The following CD163 variants were observed in gnomAD, a reference collection of about 807,000 sequenced individuals.
CD163 encodes scavenger receptor cysteine-rich type 1 protein M130.
Under a neutral mutation model 129.2 loss-of-function variants are expected in CD163, and 64 were observed. The ratio of observed to expected loss-of-function variants is 0.50; its 90% CI spans 0.41 to 0.61. The LOEUF (loss-of-function observed/expected upper bound fraction) is 0.61. CD163 is among the 20% of genes least tolerant of loss of function. CD163 has a pLI of 0.00. For synonymous variants in CD163, 446 were observed against 478.5 expected, an observed-to-expected ratio of 0.93 and a Z score of 0.89; for missense variants, 1,061 against 1,377.9, an observed-to-expected ratio of 0.77 and a Z score of 3.64.
intron 6 of CD163, among the ~76,000 whole-genome samples, chr12:7,491,893 T>C (rs915122498): frequency 8.5e-5 from 13 of 152,164 alleles, no homozygotes; most frequent in Non-Finnish European, 1.6e-4. Flanking sequence ...TAGACCTTTT[T>C]CTGTCAACAA....
At position 7,498,904 on chromosome 12, in the gene CD163, A is replaced by C; in HGVS notation, c.742T>G (p.Cys248Gly). The change falls in exon 4 of 17, where the codon TGT becomes GGT. Residue 248 changes from cysteine (C) to glycine (G), a missense_variant. By Grantham distance (159) the Cys-to-Gly change is radical. Transcript: ENST00000432237. ...CKHQGWGKHN[C>G]DHAEDAGVIC... ...ACTCCAGCATCCTCAGCATGATCAC[A>C]GTTATGCTTTCCCCATCCTTGATGT... 1.9e-6 allele frequency: 3 copies of C among 1,614,098 alleles called. No individual in the cohort carries two copies. The highest frequency in any genetic ancestry group is 2.5e-6 in the Non-Finnish European group (3 of 1,179,982).
intron 3 of CD163, 69 bp downstream of exon 3, chr12:7,501,070 T>G: frequency 1.5e-6 from 2 of 1,367,404 alleles, no homozygotes; most frequent in East Asian, 2.3e-5. Flanking sequence ...ATTCTAGGTT[T>G]TAACCCATCT....
In CD163 at chr12:7,484,595, C is replaced by T. The variant is rs138637458; in HGVS notation, c.2779+501G>A. ...CAGAGGTTGCAGTGAGCCAAGATCA[C>T]GCCATTGCACTCCAGCCTGGGGAAC... On this transcript the variant is annotated intron_variant, in intron 11 of 16. Coordinates refer to ENST00000432237, the MANE Select transcript of CD163 (RefSeq NM_203416.4). 7.2e-3 allele frequency among the ~76,000 whole-genome samples: 1,074 copies of T among 148,288 alleles called. 16 individuals are homozygous for T. The highest frequency in any genetic ancestry group is 0.026 in the African/African-American group (1,038 of 40,090).
chr12:7,481,847 A>C (rs768798282), intron 14 of CD163, among the ~76,000 whole-genome samples: 1 of 152,180 alleles, frequency 6.6e-6, no homozygotes, highest in East Asian at 1.9e-4. Flanking sequence ...CCCCTCAGGA[A>C]AAAAACAAGA....
At position 7,481,837 on chromosome 12, in the gene CD163, C is replaced by T. The variant is rs192603418; in HGVS notation, c.3248-581G>A. Among the ~76,000 whole-genome samples the T allele has an allele frequency of 8.5e-5, 13 of 152,062 alleles. No homozygotes were observed. In the East Asian group the frequency reaches 9.7e-4, roughly 11 times the overall value. On this transcript the variant is annotated intron_variant, in intron 14 of 16. Coordinates refer to ENST00000432237, the MANE Select transcript of CD163 (RefSeq NM_203416.4). The stretch of plus-strand genomic sequence containing the variant: ...CTCACACTCAACTTTTCTCCCCCCG[C>T]CCCTCAGGAAAAAAACAAGAAATGC...
At chr12:7,473,405 G>A (rs1234915757) in intron 16 of CD163, among the ~76,000 whole-genome samples, 1 of 152,198 alleles carries the variant, frequency 6.6e-6, no homozygotes, top group African/African-American at 2.4e-5. Flanking sequence ...CCAGAAGAGA[G>A]TGGGGGCCAA....
rs114772604 is a variant in CD163 at position 7,490,836 on chromosome 12, A to G, written c.1421-2749T>C. On this transcript the variant is annotated intron_variant, in intron 6 of 16. Coordinates refer to ENST00000432237, the MANE Select transcript of CD163 (RefSeq NM_203416.4). Reference sequence around the variant, plus strand: ...CCTATCCAAATTTGAAATGAAAAACATGTTGCTTTCTAAACATAGCTCAGA... The same window carrying G: ...CCTATCCAAATTTGAAATGAAAAACGTGTTGCTTTCTAAACATAGCTCAGA... 6.6e-3 allele frequency among the ~76,000 whole-genome samples: 1,010 copies of G among 152,172 alleles called. 12 individuals carry two copies. Among genetic ancestry groups the G allele is most frequent in the African/African-American group, 0.023 (962 of 41,582 alleles).
rs1592013720 is a variant in CD163, at chr12:7,501,171, G to A, written c.425C>T (p.Thr142Ile). 3 of 1,614,128 alleles carry A rather than the reference G, an allele frequency of 1.9e-6. No individual in the cohort carries two copies. Among genetic ancestry groups the A allele is most frequent in the Non-Finnish European group, 2.5e-6 (3 of 1,180,008 alleles). ...HDGWGKHSNC[T>I]HQQDAGVTCS... ...GGTCACTCCAGCATCTTGTTGGTGAGTACAGTTACTATGCTTTCCCCATCC... is the reference window on the plus strand; with the variant it reads ...GGTCACTCCAGCATCTTGTTGGTGAATACAGTTACTATGCTTTCCCCATCC... The change falls in exon 3 of 17, where the codon ACT becomes ATT. Residue 142 changes from threonine to isoleucine, a missense_variant. By Grantham distance (89) the Thr-to-Ile change is moderately conservative (BLOSUM62 -1). Transcript: ENST00000432237.
At chr12:7,500,692 T>C (rs1949472482) in intron 3 of CD163, among the ~76,000 whole-genome samples, 2 of 152,196 alleles carry the variant, frequency 1.3e-5, no homozygotes, top group Non-Finnish European at 2.9e-5. Flanking sequence ...GATGTATTAA[T>C]GCTAGAAATA....
In CD163 at chr12:7,487,571, T is replaced by C. The variant is rs1427847812; in HGVS notation, c.1838A>G (p.Asp613Gly). Residue 613 changes from aspartate to glycine, a missense_variant, in exon 8 of 17, where the codon GAC becomes GGC. Physicochemically the swap from Asp to Gly is moderately conservative, Grantham distance 94. Transcript: ENST00000432237. This position sits in a 1 kb window ranked among gnomAD's most constrained non-coding sequence, Gnocchi z 5.1. ...GCAAAGAACATGGGCATCTTCTATG[T>C]CCCAGTGAGAGTTACAGAGGGATCC... The part of the protein sequence containing the change: ...AWGSLCNSHW[D>G]IEDAHVLCQQ... The C allele has an allele frequency of 6.8e-6, 11 of 1,614,010 alleles. No individual in the cohort carries two copies. The Admixed American group carries it at 1.8e-4, about 27-fold the overall frequency.
At chr12:7,477,070 T>A (rs2136686713) in intron 16 of CD163, among the ~76,000 whole-genome samples, 1 of 152,298 alleles carries the variant, frequency 6.6e-6, no homozygotes, top group African/African-American at 2.4e-5. Flanking sequence ...ATGGTGATCA[T>A]TAAAAAGTCA....
At chr12:7,482,584 G>A (rs192822513) in intron 14 of CD163, 59 bp downstream of exon 14, 107 of 1,572,388 alleles carry the variant, frequency 6.8e-5, no homozygotes, top group Admixed American at 2.8e-4. Flanking sequence ...TAATATTTTC[G>A]TCTTACAAGA....
chr12:7,491,666 T>C (rs1240454122), intron 6 of CD163, among the ~76,000 whole-genome samples: 4 of 152,118 alleles, frequency 2.6e-5, no homozygotes, highest in Non-Finnish European at 5.9e-5. Context: ...ACAATTATGA[T>C]TTAAAGAAGC....
In CD163 at chr12:7,485,774, T is replaced by G. The variant is rs974834679; in HGVS notation, c.2459-358A>C. Among the ~76,000 whole-genome samples the G allele has an allele frequency of 2.6e-5, 4 of 152,182 alleles. No homozygotes were observed. Among genetic ancestry groups the G allele is most frequent in the African/African-American group, 9.7e-5 (4 of 41,450 alleles). ...TTAAAATTGTTAGACACTCAGGCACTAAAATCAATGTTTTGTGTACATCTC... is the reference window on the plus strand; with the variant it reads ...TTAAAATTGTTAGACACTCAGGCACGAAAATCAATGTTTTGTGTACATCTC... On this transcript the variant is annotated intron_variant, in intron 10 of 16. Transcript: ENST00000432237. This position sits in a 1 kb window ranked among gnomAD's most constrained non-coding sequence, Gnocchi z 4.5.
chr12:7,485,493 A>C lies in CD163; in HGVS notation c.2459-77T>G, dbSNP rs746871020. 7.2e-5 allele frequency: 84 copies of C among 1,168,908 alleles called. No homozygotes were observed. The highest frequency in any genetic ancestry group is 2.0e-4 in the Admixed American group (9 of 45,452). The allele number at this position is 1,168,908 out of a possible 1,614,324, so 72.4% of individuals were successfully genotyped here. On this transcript the variant is annotated intron_variant, in intron 10 of 16. Coordinates refer to ENST00000432237, the MANE Select transcript of CD163 (RefSeq NM_203416.4). This position sits in a 1 kb window ranked among gnomAD's most constrained non-coding sequence, Gnocchi z 4.5. ...GACTCCTTCCCTTTACCTTGATGTA[A>C]GAATGGCTTTAAAAATAGGTACAAT...
At chr12:7,489,915 T>C (rs531351735) in intron 6 of CD163, among the ~76,000 whole-genome samples, 14 of 152,072 alleles carry the variant, frequency 9.2e-5, no homozygotes, top group Non-Finnish European at 1.5e-4. Context: ...CTAAAGATGC[T>C]TGGGCATGCC....
intron 16 of CD163, among the ~76,000 whole-genome samples, chr12:7,474,861 C>T (rs866785942): frequency 1.7e-4 from 26 of 151,830 alleles, no homozygotes; most frequent in Admixed American, 2.0e-4. Context: ...AGAGAAGAAT[C>T]AAATAGATAT....
intron 6 of CD163, among the ~76,000 whole-genome samples, chr12:7,492,666 A>G (rs6488345): frequency 0.25 from 38,454 of 151,972 alleles, 5,516 homozygotes; most frequent in African/African-American, 0.39. Flanking sequence ...TTCAGACTAC[A>G]AGCAGTCAGA....
At chr12:7,486,872 T>A (rs777641667) in intron 9 of CD163, 22 bp downstream of exon 9, 2 of 1,607,848 alleles carry the variant, frequency 1.2e-6, no homozygotes, top group East Asian at 2.2e-5. Flanking sequence ...AATATTTTCA[T>A]AGATTTGTCA....
Sources: allele counts gnomAD v4.1 joint callset (sites outside exome capture counted in the v4.1 genomes callset), GRCh38; gene constraint gnomAD v4.1.1; non-coding constraint Gnocchi (gnomAD v3.1); transcripts MANE v1.5; gene names NCBI Gene and HGNC (gene_info 2026-07-23, HGNC 2026-07-21).